Variants in COG6 observed in about 807,000 individuals in gnomAD.
The protein encoded by COG6 is conserved oligomeric Golgi complex subunit 6.
COG6 carries 74 observed loss-of-function variants against 88.8 expected under a neutral mutation model. That is an observed-to-expected ratio of 0.83 (90% CI 0.69 to 1.01). The LOEUF is 1.01. Among genes scored for constraint, COG6 ranks in the 50% least tolerant of loss-of-function variants. The pLI is 0.00. For missense variants in COG6, 800 were observed against 797.9 expected, an observed-to-expected ratio of 1.00 and a Z score of -0.03; for synonymous variants, 286 against 278.7, an observed-to-expected ratio of 1.03 and a Z score of -0.26.
intron 17 of COG6, 44 bp downstream of exon 17, chr13:39,724,605 T>A: frequency 7.3e-7 from 1 of 1,369,110 alleles, no homozygotes; most frequent in South Asian, 1.2e-5. Flanking sequence ...TCCTTATGGA[T>A]CGATAGTCTT....
chr13:39,750,686 A>G (rs944906866), intron 18 of COG6, among the ~76,000 whole-genome samples: 1 of 152,314 alleles, frequency 6.6e-6, no homozygotes, highest in East Asian at 1.9e-4. Flanking sequence ...GCAGTCCAAT[A>G]TATATCAGGA....
chr13:39,665,871 G>T (rs1875225935), intron 4 of COG6, among the ~76,000 whole-genome samples: 1 of 152,192 alleles, frequency 6.6e-6, no homozygotes, highest in Admixed American at 6.5e-5. Flanking sequence ...GGGTAGGTCA[G>T]TATACTATAG....
At chr13:39,665,249 A>G (rs1311078699) in intron 4 of COG6, 95 bp downstream of exon 4, 1 of 732,382 alleles carries the variant, frequency 1.4e-6, no homozygotes, top group Non-Finnish European at 2.5e-6. Context: ...AAAGCAGAAT[A>G]ATAAAAAACA....
intron 18 of COG6, among the ~76,000 whole-genome samples, chr13:39,738,709 T>A (rs1879894909): frequency 6.6e-6 from 1 of 152,168 alleles, no homozygotes; most frequent in African/African-American, 2.4e-5. Flanking sequence ...ACAAAAGATA[T>A]ACCATGCAAG....
At chr13:39,721,576 A>T (rs1878852514) in intron 15 of COG6, among the ~76,000 whole-genome samples, 1 of 152,106 alleles carries the variant, frequency 6.6e-6, no homozygotes, top group African/African-American at 2.4e-5. Flanking sequence ...TTCTTGCATT[A>T]TGCTTGTCAG....
intron 18 of COG6, among the ~76,000 whole-genome samples, chr13:39,736,797 A>T (rs1304038123): frequency 6.6e-6 from 1 of 152,120 alleles, no homozygotes; most frequent in Non-Finnish European, 1.5e-5. Context: ...AAGGTCACAT[A>T]TGTCTGTCAC....
In COG6 at chr13:39,689,817, C is replaced by T; in HGVS notation, c.1067C>T (p.Pro356Leu). 1 of 1,607,404 alleles carries T rather than the reference C, an allele frequency of 6.2e-7. No individual in the cohort carries two copies. The highest frequency in any genetic ancestry group is 8.5e-7 in the Non-Finnish European group (1 of 1,175,154). ...CATATCACTGAAGGTGTGTGCAGGC[C>T]TCTAAAGGTAAAATATTTTGTTTTT... ...VGHITEGVCR[P>L]LKVRIEQVIV... is the part of the protein sequence containing the mutation. The change falls in exon 11 of 19, where the codon CCT (proline) becomes CTT (leucine). Residue 356 changes from proline to leucine, a missense_variant. By Grantham distance (98) the Pro-to-Leu change is moderately conservative. Transcript: ENST00000455146.
At position 39,752,124 on chromosome 13, in the gene COG6, G is replaced by A. The variant is rs1348016955; in HGVS notation, c.*1031G>A. 1 of 1,256,428 alleles carries A rather than the reference G, an allele frequency of 8.0e-7. No homozygotes were observed. Among genetic ancestry groups the A allele is most frequent in the Non-Finnish European group, 1.0e-6 (1 of 971,686 alleles). 77.8% of individuals were successfully genotyped at this position (1,256,428 alleles called of 1,614,324 possible). On this transcript the variant is annotated 3_prime_UTR_variant, in exon 19 of 19. Coordinates refer to ENST00000455146, the MANE Select transcript of COG6 (RefSeq NM_020751.3). ...TTTTTAAAGGAATAAATCCCAGTGT[G>A]CCTGATTTGACATTCTTGTCAGCAA...
chr13:39,786,167 T>G (rs1881766978), intron 18 of COG6, among the ~76,000 whole-genome samples: 1 of 152,080 alleles, frequency 6.6e-6, no homozygotes. Context: ...ATATGAACCC[T>G]AGTGAGAAGA....
Position 39,694,702 on chromosome 13 carries a change from C to A in COG6, c.1143C>A (p.Leu381=), listed in dbSNP as rs544674607. The A allele has an allele frequency of 1.9e-6, 3 of 1,577,212 alleles. No individual in the cohort carries two copies. In the Admixed American group the frequency reaches 5.1e-5, roughly 27 times the overall value. The change falls in exon 12 of 19, where the codon CTC becomes CTA. Residue 381 remains leucine (L), a synonymous_variant. Transcript: ENST00000455146. ...AVLLYKISNL[L]KFYHHTISGI... The stretch of plus-strand genomic sequence containing the variant: ...TATTATATAAAATTTCTAATCTCCT[C>A]AAATTTTATCACCATACAATCAGGT...
chr13:39,763,135 G>A (rs1881072147), intron 18 of COG6, among the ~76,000 whole-genome samples: 1 of 151,668 alleles, frequency 6.6e-6, no homozygotes, highest in Non-Finnish European at 1.5e-5. Context: ...ATAAGCCTAA[G>A]TTGATCATAT....
chr13:39,746,154 G>C (rs559758036), intron 18 of COG6, among the ~76,000 whole-genome samples: 60 of 151,732 alleles, frequency 4.0e-4, no homozygotes, highest in African/African-American at 1.4e-3. Context: ...ATGGGGTGCA[G>C]CAAACCAACA....
intron 18 of COG6, among the ~76,000 whole-genome samples, chr13:39,766,016 TC>T: frequency 6.6e-6 from 1 of 152,330 alleles, no homozygotes; most frequent in Non-Finnish European, 1.5e-5. Flanking sequence ...AGGGTGGCAC[TC>T]CAGGCTTCCT....
chr13:39,777,494 G>T (rs1186049801), intron 18 of COG6, among the ~76,000 whole-genome samples: 1 of 152,164 alleles, frequency 6.6e-6, no homozygotes, highest in Non-Finnish European at 1.5e-5. Flanking sequence ...GGAAGATGAG[G>T]TAGGCCAGGA....
chr13:39,730,967 G>A (rs1879413520), intron 18 of COG6, among the ~76,000 whole-genome samples: 1 of 151,396 alleles, frequency 6.6e-6, no homozygotes, highest in Non-Finnish European at 1.5e-5. Flanking sequence ...GACTACAGGT[G>A]CATGCCACCA....
At chr13:39,780,056 C>G (rs758914321) in intron 18 of COG6, among the ~76,000 whole-genome samples, 2 of 152,210 alleles carry the variant, frequency 1.3e-5, no homozygotes, top group African/African-American at 2.4e-5. Flanking sequence ...CTGCTCCAGT[C>G]AAAGTCCACA....
Position 39,745,549 on chromosome 13 carries a change from C to T in COG6, c.1827-5397C>T, listed in dbSNP as rs1430126471. Among the ~76,000 whole-genome samples, 10 of 152,258 alleles carry T rather than the reference C, an allele frequency of 6.6e-5. No homozygotes were observed. The South Asian group carries it at 1.2e-3, about 19-fold the overall frequency. The stretch of plus-strand genomic sequence containing the variant: ...AAAACCACAATGAGATACCATCTCA[C>T]GCCAGTTAGAATAGTGATCATTAAA... On this transcript the variant is annotated intron_variant, in intron 18 of 18. Transcript: ENST00000455146.
At chr13:39,655,993 C>T in intron 1 of COG6, 114 bp downstream of exon 1, 1 of 1,302,098 alleles carries the variant, frequency 7.7e-7, no homozygotes, top group Non-Finnish European at 1.1e-6. Flanking sequence ...GCAGAGGGAC[C>T]GCGAGTGACC....
At chr13:39,778,219 G>T (rs1881521972) in intron 18 of COG6, among the ~76,000 whole-genome samples, 1 of 152,154 alleles carries the variant, frequency 6.6e-6, no homozygotes, top group Non-Finnish European at 1.5e-5. Context: ...TCTCAGGACA[G>T]GAAGGACCCT....
Sources: gnomAD v4.1 joint callset for allele counts (sites outside exome capture counted in the v4.1 genomes callset) on GRCh38, gnomAD v4.1.1 for gene constraint, MANE v1.5 for transcripts, NCBI Gene and HGNC (gene_info 2026-07-23, HGNC 2026-07-21) for gene names.